TENM4: variants seen among roughly 807,000 people sequenced by gnomAD.
TENM4 encodes teneurin-4.
In TENM4, 82 loss-of-function variants were observed where a neutral mutation model predicts 243.3. The observed-to-expected ratio is 0.34, with a 90% CI of 0.28 to 0.40. The LOEUF (loss-of-function observed/expected upper bound fraction) is 0.40. Among genes scored for constraint, TENM4 ranks in the 10% least tolerant of loss-of-function variants. The pLI is 1.00. For synonymous variants in TENM4, 1,412 were observed against 1,456.3 expected, an observed-to-expected ratio of 0.97 and a Z score of 0.69; for missense variants, 3,138 against 3,673.3, an observed-to-expected ratio of 0.85 and a Z score of 3.77.
intron 6 of TENM4, among the ~76,000 whole-genome samples, chr11:79,058,369 C>A (rs554101737): frequency 1.3e-5 from 2 of 151,964 alleles, no homozygotes; most frequent in Non-Finnish European, 2.9e-5. Context: ...CAGTGAAACC[C>A]TGTCTCTACT....
intron 14 of TENM4, among the ~76,000 whole-genome samples, chr11:78,810,322 G>C (rs1259409059): frequency 3.9e-5 from 6 of 152,194 alleles, no homozygotes; most frequent in African/African-American, 1.4e-4. Flanking sequence ...CAAAGTTCCA[G>C]ACATTTTTTT....
intron 3 of TENM4, among the ~76,000 whole-genome samples, chr11:79,189,430 CT>C (rs1344628584): frequency 6.6e-6 from 1 of 152,166 alleles, no homozygotes; most frequent in Non-Finnish European, 1.5e-5. Flanking sequence ...AGTATGCTTC[CT>C]AAGAGTAGGG....
At chr11:79,200,295 T>C (rs747916369) in intron 3 of TENM4, among the ~76,000 whole-genome samples, 3 of 152,244 alleles carry the variant, frequency 2.0e-5, no homozygotes, top group Non-Finnish European at 4.4e-5. Flanking sequence ...AGCAGTCCGA[T>C]GCTGGGCATC....
intron 4 of TENM4, among the ~76,000 whole-genome samples, chr11:79,137,508 G>A (rs181700955): frequency 2.0e-5 from 3 of 152,242 alleles, no homozygotes; most frequent in Non-Finnish European, 2.9e-5. Flanking sequence ...AAACCCACAA[G>A]GTGCTTGCTG....
intron 1 of TENM4, among the ~76,000 whole-genome samples, chr11:79,343,304 T>C (rs1267631735): frequency 6.6e-6 from 1 of 152,252 alleles, no homozygotes; most frequent in Admixed American, 6.5e-5. Context: ...GAAATCATTC[T>C]ATTTTACAGA....
intron 4 of TENM4, among the ~76,000 whole-genome samples, chr11:79,145,122 C>T (rs1045971045): frequency 3.3e-5 from 5 of 152,018 alleles, no homozygotes; most frequent in Admixed American, 1.3e-4. Context: ...TTTCATACCT[C>T]AACTTGGTCT....
intron 3 of TENM4, among the ~76,000 whole-genome samples, chr11:79,153,570 C>T (rs1862549366): frequency 6.6e-6 from 1 of 152,124 alleles, no homozygotes; most frequent in Non-Finnish European, 1.5e-5. Flanking sequence ...CAAGTATCTG[C>T]CCAAACACCC....
chr11:79,097,897 GA>G (rs1591281132), intron 4 of TENM4: 1 of 151,534 alleles, frequency 6.6e-6, no homozygotes, highest in African/African-American at 2.4e-5. Flanking sequence ...CCACCACCTG[GA>G]TTAAAATTCA....
At chr11:78,742,707 C>G (rs1289993793) in intron 19 of TENM4, among the ~76,000 whole-genome samples, 4 of 152,190 alleles carry the variant, frequency 2.6e-5, no homozygotes, top group Admixed American at 1.3e-4. Flanking sequence ...GACTGAGGTG[C>G]CCTTGCCGAC....
At chr11:78,855,814 G>A in intron 11 of TENM4, 150 bp downstream of exon 11, 1 of 696,542 alleles carries the variant, frequency 1.4e-6, no homozygotes. Context: ...CTGAAAGGGT[G>A]GGTCTGAGAG....
At chr11:78,909,231 G>A (rs1484680614) in intron 6 of TENM4, among the ~76,000 whole-genome samples, 1 of 152,168 alleles carries the variant, frequency 6.6e-6, no homozygotes, top group Non-Finnish European at 1.5e-5. Context: ...ACAAACTGGT[G>A]ATGATAAAAT....
intron 7 of TENM4, among the ~76,000 whole-genome samples, 165 bp downstream of exon 7, chr11:78,903,103 C>T (rs1236288399): frequency 6.6e-6 from 1 of 152,178 alleles, no homozygotes; most frequent in Non-Finnish European, 1.5e-5. Flanking sequence ...GGTTCCAAAG[C>T]CCATGCTGGC....
chr11:78,902,502 A>C (rs1012071401), intron 7 of TENM4, among the ~76,000 whole-genome samples: 1 of 152,198 alleles, frequency 6.6e-6, no homozygotes, highest in Non-Finnish European at 1.5e-5. Flanking sequence ...GTGAAGCAGC[A>C]CTGGACAGGG....
chr11:79,175,025 C>G (rs1467064801), intron 3 of TENM4, among the ~76,000 whole-genome samples: 1 of 152,202 alleles, frequency 6.6e-6, no homozygotes, highest in Non-Finnish European at 1.5e-5. Context: ...ATCTATACAT[C>G]TGTCTTTATT....
At chr11:78,798,861 C>T (rs369089331) in intron 15 of TENM4, among the ~76,000 whole-genome samples, 1 of 152,060 alleles carries the variant, frequency 6.6e-6, no homozygotes, top group Non-Finnish European at 1.5e-5. Flanking sequence ...CATTACTGGC[C>T]AAGTTCACTG....
At chr11:79,338,716 A>T (rs1232838295) in intron 1 of TENM4, among the ~76,000 whole-genome samples, 2 of 152,180 alleles carry the variant, frequency 1.3e-5, no homozygotes, top group Non-Finnish European at 2.9e-5. Context: ...TTTCTGGGTG[A>T]CCTTGAGCCA....
At chr11:78,806,994 C>T (rs1342093634) in intron 14 of TENM4, among the ~76,000 whole-genome samples, 1 of 152,224 alleles carries the variant, frequency 6.6e-6, no homozygotes. Context: ...ATAATACCTT[C>T]AAGGTTCATC....
At chr11:79,227,578 T>G (rs1864296143) in intron 2 of TENM4, among the ~76,000 whole-genome samples, 1 of 151,646 alleles carries the variant, frequency 6.6e-6, no homozygotes, top group South Asian at 2.1e-4. Context: ...GAGGGAAGAG[T>G]GATAGGTGGG....
intron 6 of TENM4, among the ~76,000 whole-genome samples, chr11:78,906,943 G>A (rs1410998551): frequency 6.6e-6 from 1 of 152,134 alleles, no homozygotes; most frequent in East Asian, 1.9e-4. Context: ...GTTCATGTGG[G>A]GCAATTTGTG....
Sources: allele counts gnomAD v4.1 joint callset (sites outside exome capture counted in the v4.1 genomes callset), GRCh38; gene constraint gnomAD v4.1.1; transcripts MANE v1.5; gene names NCBI Gene and HGNC (gene_info 2026-07-23, HGNC 2026-07-21).